SWI5: variants seen among roughly 807,000 people sequenced by gnomAD.
The protein encoded by SWI5 is SWI5 homologous recombination repair protein.
Under a neutral mutation model 17.0 loss-of-function variants are expected in SWI5, and 12 were observed. That is an observed-to-expected ratio of 0.71 (90% CI 0.45 to 1.14). The LOEUF (loss-of-function observed/expected upper bound fraction) is 1.14, where lower values mean the gene tolerates loss of function less well. Ranked by LOEUF, SWI5 falls within the 50% of genes most tolerant of loss-of-function variation. The pLI is 0.00. For synonymous variants in SWI5, 61 were observed against 64.0 expected (o/e 0.95, Z 0.22); for missense variants, 158 against 162.2 (o/e 0.97, Z 0.14).
chr9:128,275,578 G>A (rs1278247685), upstream of SWI5: 1 of 1,110,256 alleles, frequency 9.0e-7, no homozygotes, highest in Non-Finnish European at 1.2e-6. Flanking sequence ...AATTGCTGGG[G>A]TCCTAGGTCC....
intron 2 of SWI5, among the ~76,000 whole-genome samples, chr9:128,281,224 GAC>G (rs1047928096): frequency 4.0e-5 from 6 of 151,778 alleles, no homozygotes; most frequent in South Asian, 2.1e-4. Flanking sequence ...TTTCAGTAGA[GAC>G]AGGGTTTCAC....
intron 1 of SWI5, 143 bp from the exon 2 acceptor site, chr9:128,276,564 G>C: frequency 6.3e-7 from 1 of 1,590,032 alleles, no homozygotes; most frequent in Non-Finnish European, 8.6e-7. Context: ...CTGATCCTGA[G>C]AGCGTGTCTG....
chr9:128,276,115 T>C, upstream of SWI5: 2 of 1,566,560 alleles, frequency 1.3e-6, no homozygotes, highest in Middle Eastern at 1.7e-4. Context: ...CATTGGTCAA[T>C]GAGAAATATG....
At chr9:128,287,239 G>A (rs1588508738) in intron 4 of SWI5, among the ~76,000 whole-genome samples, 1 of 151,116 alleles carries the variant, frequency 6.6e-6, no homozygotes, top group African/African-American at 2.4e-5. Flanking sequence ...AAGGTCAGGA[G>A]TTCAAGACCA....
At chr9:128,279,119 ATT>A (rs1831491291) in intron 2 of SWI5, among the ~76,000 whole-genome samples, 1 of 151,890 alleles carries the variant, frequency 6.6e-6, no homozygotes, top group Non-Finnish European at 1.5e-5. Flanking sequence ...CTCTGGGCCT[ATT>A]TGCAGGAGCA....
intron 4 of SWI5, among the ~76,000 whole-genome samples, chr9:128,287,887 T>A (rs1831672889): frequency 6.6e-6 from 1 of 152,248 alleles, no homozygotes; most frequent in Non-Finnish European, 1.5e-5. Context: ...AGTGAACATT[T>A]ACTGAGCAGC....
chr9:128,286,223 T>C lies in SWI5; in HGVS notation c.328+190T>C. 5.3e-6 allele frequency: 3 copies of C among 562,272 alleles called. 1 individual carries two copies. The South Asian group carries it at 6.5e-5, about 12-fold the overall frequency. 34.8% of individuals were successfully genotyped at this position (562,272 alleles called of 1,614,324 possible). ...CTCCCTGGCCACCTAGGTTTGTTCC[T>C]CAAGTACAGAACCTGCTTTGGAGCC... On this transcript the variant is annotated intron_variant, in intron 4 of 4. Transcript: ENST00000418976.
In SWI5 at chr9:128,285,330, C is replaced by T. The variant is rs1174725479; in HGVS notation, c.234-609C>T. ...AGGAAGAAAGAAAGGAAGGACTATG[C>T]TTCTGGATTCAGGACATAGCAGCAG... On this transcript the variant is annotated intron_variant, in intron 3 of 4. Transcript: ENST00000418976. The surrounding 1 kb of genome is among the most constrained non-coding windows in gnomAD (Gnocchi z 4.8). Among the ~76,000 whole-genome samples the T allele has an allele frequency of 6.6e-6, 1 of 152,128 alleles. No homozygotes were observed. The highest frequency in any genetic ancestry group is 2.4e-5 in the African/African-American group (1 of 41,426).
In SWI5 at chr9:128,281,351, T is replaced by C. The variant is rs540460299; in HGVS notation, c.112-3159T>C. ...GCACCTGGCCAACCATGCTTTTTTT[T>C]CATCAGATATTTTCATTGTGAAACC... On this transcript the variant is annotated intron_variant, in intron 2 of 4. Coordinates refer to ENST00000418976, the Ensembl canonical transcript of SWI5. 1.6e-3 allele frequency among the ~76,000 whole-genome samples: 237 copies of C among 152,220 alleles called. 1 individual carries two copies. The highest frequency in any genetic ancestry group is 5.6e-3 in the African/African-American group (231 of 41,520).
At chr9:128,276,198 G>A, upstream of SWI5, 1 of 1,599,676 alleles carries the variant, frequency 6.3e-7, no homozygotes, top group Non-Finnish European at 8.5e-7. Flanking sequence ...AGCTGCGCAC[G>A]CAACCGCTGT....
At chr9:128,280,523 A>C (rs1305469273) in intron 2 of SWI5, among the ~76,000 whole-genome samples, 4 of 151,634 alleles carry the variant, frequency 2.6e-5, no homozygotes, top group South Asian at 2.1e-4. Context: ...AAAAAAAAAA[A>C]AAAAAAACAA....
Position 128,285,324 on chromosome 9 carries a change from A to G in SWI5, c.234-615A>G, listed in dbSNP as rs1564375353. On this transcript the variant is annotated intron_variant, in intron 3 of 4. Coordinates refer to ENST00000418976, the Ensembl canonical transcript of SWI5. The surrounding 1 kb of genome is among the most constrained non-coding windows in gnomAD (Gnocchi z 4.8). ...GAAGGAAGGAAGAAAGAAAGGAAGG[A>G]CTATGCTTCTGGATTCAGGACATAG... 6.6e-6 allele frequency among the ~76,000 whole-genome samples: 1 copy of G among 151,926 alleles called. No individual in the cohort carries two copies. Among genetic ancestry groups the G allele is most frequent in the Non-Finnish European group, 1.5e-5 (1 of 67,940 alleles).
intron 2 of SWI5, chr9:128,278,648 C>T (rs1188524156): frequency 1.7e-5 from 8 of 471,766 alleles, no homozygotes; most frequent in Non-Finnish European, 3.5e-5. Flanking sequence ...TTCCAGCAAC[C>T]TTTGAGAAGA....
exon 1 of SWI5, chr9:128,276,296 G>A (rs115231472): frequency 1.1e-5 from 17 of 1,612,784 alleles, no homozygotes; most frequent in African/African-American, 4.0e-5. Flanking sequence ...CCGGGTCAGA[G>A]TTCCTGGCCC....
At chr9:128,287,602 C>T (rs1831666643) in intron 4 of SWI5, among the ~76,000 whole-genome samples, 1 of 142,056 alleles carries the variant, frequency 7.0e-6, no homozygotes, top group African/African-American at 2.7e-5. Flanking sequence ...CACTGTGTCA[C>T]CCAGGTTGGA....
rs183289042 is a variant in SWI5 at position 128,278,768 on chromosome 9, G to T, written c.111+2013G>T. The T allele has an allele frequency of 2.2e-3, 946 of 424,724 alleles. 3 individuals carry two copies. The highest frequency in any genetic ancestry group is 9.9e-3 in the African/African-American group (462 of 46,696). 26.3% of individuals were successfully genotyped at this position (424,724 alleles called of 1,614,324 possible). ...AAACTGAGAAACTGAGTTGTTTTTG[G>T]TTTTTTTTGTTTTTTTTTATTTGAG... On this transcript the variant is annotated intron_variant, in intron 2 of 4. Transcript: ENST00000418976.
At chr9:128,286,158 T>A (rs1831636106) in intron 4 of SWI5, 125 bp downstream of exon 4, 6 of 675,616 alleles carry the variant, frequency 8.9e-6, no homozygotes, top group Non-Finnish European at 1.3e-5. Flanking sequence ...GTTGGCCTGC[T>A]CCTAGGCTGC....
In SWI5 at chr9:128,286,386, C is replaced by T. The variant is rs937531237; in HGVS notation, c.328+353C>T. On this transcript the variant is annotated intron_variant, in intron 4 of 4. Transcript: ENST00000418976. ...TAGCTTGCTAAAGAGGCTGCAAGTG[C>T]AAGGGTGACCCTTTGTGTCTTAAGG... The T allele has an allele frequency of 3.5e-5, 8 of 225,848 alleles. No individual in the cohort carries two copies. The South Asian group carries it at 6.5e-4, about 18-fold the overall frequency. 14.0% of individuals were successfully genotyped at this position (225,848 alleles called of 1,614,324 possible).
upstream of SWI5, chr9:128,276,167 G>A (rs373251973): frequency 1.1e-5 from 18 of 1,576,434 alleles, no homozygotes; most frequent in Non-Finnish European, 1.5e-5. Flanking sequence ...TGGCCAGAGG[G>A]ACCTGTGGCG....
Sources: gnomAD v4.1 joint callset for allele counts (sites outside exome capture counted in the v4.1 genomes callset) on GRCh38, gnomAD v4.1.1 for gene constraint, Gnocchi (gnomAD v3.1) non-coding constraint, MANE v1.5 for transcripts, NCBI Gene and HGNC (gene_info 2026-07-23, HGNC 2026-07-21) for gene names.